The following BSX variants were observed in gnomAD, a reference collection of about 807,000 sequenced individuals.
BSX encodes brain specific homeobox, also known as brain-specific homeobox protein homolog.
In BSX, 12 loss-of-function variants were observed where a neutral mutation model predicts 16.9. That is an observed-to-expected ratio of 0.71 (90% CI 0.46 to 1.15). The LOEUF (loss-of-function observed/expected upper bound fraction) is 1.15. Among genes scored for constraint, BSX ranks in the 50% most tolerant of loss-of-function variants. The probability of loss-of-function intolerance (pLI) is 0.00; values close to 1 mark genes in which losing one functional copy is unlikely to be tolerated. For missense variants in BSX, 292 were observed against 311.8 expected, an observed-to-expected ratio of 0.94 and a Z score of 0.48; for synonymous variants, 160 against 136.4, an observed-to-expected ratio of 1.17 and a Z score of -1.20.
Position 122,977,983 on chromosome 11 carries a change from GAAGTATCC to G in BSX, c.460-100_460-93del. 1.3e-6 allele frequency: 2 copies of G among 1,500,126 alleles called. No individual in the cohort carries two copies. The highest frequency in any genetic ancestry group is 9.1e-7 in the Non-Finnish European group (1 of 1,093,190). The allele number at this position is 1,500,126 out of a possible 1,614,324, so 92.9% of individuals were successfully genotyped here. A position where few individuals can be genotyped will look rare whatever the true frequency, so the allele number is the denominator to read the frequency against. On this transcript the variant is annotated intron_variant, in intron 2 of 2. Transcript: ENST00000343035. The surrounding 1 kb of genome is among the most constrained non-coding windows in gnomAD (Gnocchi z 4.5). ...GGAAAATGGGCTGCAGTCCGTTGAT[GAAGTATCC>G]AAGAGCGGTGATAGCCTCAACTGCT...
chr11:122,980,215 C>T (rs1012366114), intron 1 of BSX, among the ~76,000 whole-genome samples: 1 of 152,106 alleles, frequency 6.6e-6, no homozygotes, highest in Non-Finnish European at 1.5e-5. Flanking sequence ...TGGCCGGGTC[C>T]GGGGAGACTT....
chr11:122,977,735 C>A lies in BSX; in HGVS notation c.616G>T (p.Ala206Ser), dbSNP rs771057177. The A allele has an allele frequency of 6.2e-7, 1 of 1,609,804 alleles. No individual in the cohort carries two copies. The highest frequency in any genetic ancestry group is 2.2e-5 in the East Asian group (1 of 44,846). The change falls in exon 3 of 3, where the codon GCC (alanine) becomes TCC (serine). Residue 206 changes from alanine to serine, a missense_variant. By Grantham distance (99) the Ala-to-Ser change is moderately conservative. Transcript: ENST00000343035. The surrounding 1 kb of genome is among the most constrained non-coding windows in gnomAD (Gnocchi z 4.5). The stretch of plus-strand genomic sequence containing the variant: ...GGCTCGGTCAGCACGAAGGGACCGG[C>A]GGGCAGGCTCAGCCGAGCCTCGGCG... ...TAAEARLSLPAGPFVLTEPED... is the reference protein window; with the variant it reads ...TAAEARLSLPSGPFVLTEPED...
chr11:122,978,795 CTTTTTTTTTTTTTT>C, intron 2 of BSX, among the ~76,000 whole-genome samples: 1 of 64,778 alleles, frequency 1.5e-5, no homozygotes, highest in East Asian at 5.5e-4. Flanking sequence ...TTTTTCTTTT[CTTTTTTTTTTTTTT>C]TTTTTTTTTT....
chr11:122,981,676 AGC>A lies in BSX; in HGVS notation c.-7_-6del. ...AGAGGTGAAGTTGAGATTCATCTTG[AGC>A]GGAGCACCTGCCACAGGACAAGGGC... On this transcript the variant is annotated 5_prime_UTR_variant, in exon 1 of 3. Transcript: ENST00000343035. 6.4e-7 allele frequency: 1 copy of A among 1,562,670 alleles called. No individual in the cohort carries two copies. The highest frequency in any genetic ancestry group is 8.6e-7 in the Non-Finnish European group (1 of 1,157,250).
chr11:122,981,326 T>C, intron 1 of BSX, 84 bp downstream of exon 1: 1 of 1,344,398 alleles, frequency 7.4e-7, no homozygotes, highest in Non-Finnish European at 9.9e-7. Context: ...AGTCTGGCCT[T>C]TCCTTGACTC....
chr11:122,981,715 G>A lies in BSX; in HGVS notation c.-44C>T, dbSNP rs975528499. The A allele has an allele frequency of 2.6e-6, 4 of 1,530,658 alleles. No homozygotes were observed. The African/African-American group carries it at 4.1e-5, about 16-fold the overall frequency. The allele number at this position is 1,530,658 out of a possible 1,614,324, so 94.8% of individuals were successfully genotyped here. A position where few individuals can be genotyped will look rare whatever the true frequency, so the allele number is the denominator to read the frequency against. ...CACAGGACAAGGGCCGGGACGAAGT[G>A]GAGGACGCAGGCAGAGTCTCCAAGC... On this transcript the variant is annotated 5_prime_UTR_variant, in exon 1 of 3. Transcript: ENST00000343035.
In BSX at chr11:122,979,524, C is replaced by T. The variant is rs569356947; in HGVS notation, c.263-67G>A. The T allele has an allele frequency of 2.8e-5, 39 of 1,375,270 alleles. No homozygotes were observed. In the African/African-American group the frequency reaches 4.1e-4, roughly 14 times the overall value. The allele number at this position is 1,375,270 out of a possible 1,614,324, so 85.2% of individuals were successfully genotyped here. ...CCGGAGAGCAATCTCCGCTCCGCTC[C>T]CCTCCCCTCCCCTAGCCCCCAGTGC... is the stretch of plus-strand genomic sequence containing the variant. On this transcript the variant is annotated intron_variant, in intron 1 of 2. Transcript: ENST00000343035.
chr11:122,978,460 A>G (rs985920910), intron 2 of BSX, among the ~76,000 whole-genome samples: 1 of 152,098 alleles, frequency 6.6e-6, no homozygotes, highest in African/African-American at 2.4e-5. Context: ...AACTTAAACC[A>G]TAGTGTGTGT....
chr11:122,981,486 G>T lies in BSX; in HGVS notation c.186C>A (p.Pro62=). ...GATGGGCGTGAGGAGCCAAGAGGGTGGGTGTGGGCATGAGGGGGTAGCCAT... is the reference window on the plus strand; with the variant it reads ...GATGGGCGTGAGGAGCCAAGAGGGTTGGTGTGGGCATGAGGGGGTAGCCAT... ...LDYGYPLMPT[P]TLLAPHAHHP... The change falls in exon 1 of 3, where the codon CCC becomes CCA. Residue 62 remains proline (P), a synonymous_variant. Transcript: ENST00000343035. The T allele has an allele frequency of 6.3e-7, 1 of 1,584,326 alleles. No homozygotes were observed. Among genetic ancestry groups the T allele is most frequent in the Non-Finnish European group, 8.6e-7 (1 of 1,165,114 alleles).
chr11:122,977,711 G>A lies in BSX; in HGVS notation c.640C>T (p.Pro214Ser). The A allele has an allele frequency of 3.1e-6, 5 of 1,612,922 alleles. No individual in the cohort carries two copies. The highest frequency in any genetic ancestry group is 4.2e-6 in the Non-Finnish European group (5 of 1,179,814). The change falls in exon 3 of 3, where the codon CCA becomes TCA. Residue 214 changes from proline to serine, a missense_variant. Transcript: ENST00000343035. This position sits in a 1 kb window ranked among gnomAD's most constrained non-coding sequence, Gnocchi z 4.5. ...LPAGPFVLTE[P>S]EDEVDIGDEG... ...TCTCCAATGTCCACCTCGTCCTCTG[G>A]CTCGGTCAGCACGAAGGGACCGGCG...
Position 122,977,975 on chromosome 11 carries a change from C to T in BSX, c.460-84G>A, listed in dbSNP as rs1227706551. The T allele has an allele frequency of 6.5e-7, 1 of 1,538,192 alleles. No individual in the cohort carries two copies. Among genetic ancestry groups the T allele is most frequent in the African/African-American group, 1.4e-5 (1 of 73,008 alleles). On this transcript the variant is annotated intron_variant, in intron 2 of 2. Coordinates refer to ENST00000343035, the MANE Select transcript of BSX (RefSeq NM_001098169.2). The surrounding 1 kb of genome is among the most constrained non-coding windows in gnomAD (Gnocchi z 4.5). The stretch of plus-strand genomic sequence containing the variant: ...GGGGTTTAGGAAAATGGGCTGCAGT[C>T]CGTTGATGAAGTATCCAAGAGCGGT...
intron 2 of BSX, among the ~76,000 whole-genome samples, chr11:122,978,795 C>CTTTTTTTTTTTTTTTT (rs35567142): frequency 1.5e-5 from 1 of 64,774 alleles, no homozygotes. Flanking sequence ...TTTTTCTTTT[C>CTTTTTTTTTTTTTTTT]TTTTTTTTTT....
rs746254703 is a variant in BSX, at chr11:122,981,500, G to T, written c.172C>A (p.Leu58Ile). 6.9e-6 allele frequency: 11 copies of T among 1,589,712 alleles called. No individual in the cohort carries two copies. The highest frequency in any genetic ancestry group is 9.4e-6 in the Non-Finnish European group (11 of 1,167,932). Residue 58 changes from leucine to isoleucine, a missense_variant, in exon 1 of 3, where the codon CTC (leucine) becomes ATC (isoleucine). Physicochemically the swap from Leu to Ile is conservative, Grantham distance 5. Coordinates refer to ENST00000343035, the MANE Select transcript of BSX (RefSeq NM_001098169.2). Reference protein sequence around the residue: ...RVPLLDYGYPLMPTPTLLAPH... With the variant: ...RVPLLDYGYPIMPTPTLLAPH... ...GCCAAGAGGGTGGGTGTGGGCATGA[G>T]GGGGTAGCCATAGTCTAGCAGAGGC...
In BSX at chr11:122,977,934, A is replaced by G. The variant is rs777603402; in HGVS notation, c.460-43T>C. The stretch of plus-strand genomic sequence containing the variant: ...AAAATAAAATCATGTCATTCCTCCA[A>G]ATCTGAGCCATCGCTGGGGTTTAGG... On this transcript the variant is annotated intron_variant, in intron 2 of 2. Transcript: ENST00000343035. The surrounding 1 kb of genome is among the most constrained non-coding windows in gnomAD (Gnocchi z 4.5). 1.9e-6 allele frequency: 3 copies of G among 1,607,488 alleles called. No homozygotes were observed. In the Admixed American group the frequency reaches 5.0e-5, roughly 27 times the overall value.
chr11:122,977,636 C>T lies in BSX; in HGVS notation c.*13G>A, dbSNP rs747571568. On this transcript the variant is annotated 3_prime_UTR_variant, in exon 3 of 3. Coordinates refer to ENST00000343035, the MANE Select transcript of BSX (RefSeq NM_001098169.2). The surrounding 1 kb of genome is among the most constrained non-coding windows in gnomAD (Gnocchi z 4.5). ...TCTCCTCCCCTGCCTACTACCCTCC[C>T]CAGCCTGGCGGCTCAGAGCACGTGC... 1.2e-6 allele frequency: 2 copies of T among 1,604,048 alleles called. No homozygotes were observed. Among genetic ancestry groups the T allele is most frequent in the East Asian group, 4.5e-5 (2 of 44,878 alleles).
intron 2 of BSX, among the ~76,000 whole-genome samples, chr11:122,978,656 G>T (rs529698717): frequency 6.6e-6 from 1 of 152,208 alleles, no homozygotes; most frequent in African/African-American, 2.4e-5. Flanking sequence ...ATACGAATAA[G>T]AGTTCTTAAC....
intron 2 of BSX, among the ~76,000 whole-genome samples, chr11:122,979,044 T>G (rs1242767228): frequency 6.6e-6 from 1 of 152,046 alleles, no homozygotes; most frequent in Non-Finnish European, 1.5e-5. Context: ...GACCTCGTGA[T>G]CCGCCCGCCT....
rs569238966 is a variant in BSX, at chr11:122,980,429, G to C, written c.263-972C>G. On this transcript the variant is annotated intron_variant, in intron 1 of 2. Coordinates refer to ENST00000343035, the MANE Select transcript of BSX (RefSeq NM_001098169.2). ...TTGTCACCGGCGGGTGGTGAAGCCA[G>C]TGCAGAGATGCGGACCTGGATTTAC... Among the ~76,000 whole-genome samples, 12 of 152,278 alleles carry C rather than the reference G, an allele frequency of 7.9e-5. No individual in the cohort carries two copies. In the South Asian group the frequency reaches 2.5e-3, roughly 32 times the overall value.
intron 1 of BSX, 133 bp from the exon 2 acceptor site, chr11:122,979,590 A>C (rs1864543870): frequency 1.6e-6 from 1 of 630,786 alleles, no homozygotes; most frequent in African/African-American, 1.9e-5. Context: ...CTCGCCCCAA[A>C]GCCCCTCAAG....
Sources: allele counts gnomAD v4.1 joint callset (sites outside exome capture counted in the v4.1 genomes callset), GRCh38; gene constraint gnomAD v4.1.1; non-coding constraint Gnocchi (gnomAD v3.1); transcripts MANE v1.5; gene names NCBI Gene and HGNC (gene_info 2026-07-23, HGNC 2026-07-21).